The following RBFOX1 variants were observed in gnomAD, a reference collection of about 807,000 sequenced individuals.
RBFOX1 encodes the protein RNA binding protein fox-1 homolog 1.
A neutral mutation model predicts 57.7 loss-of-function variants in RBFOX1; 8 were observed. The ratio of observed to expected loss-of-function variants is 0.14; its 90% CI spans 0.08 to 0.25. The LOEUF (loss-of-function observed/expected upper bound fraction) is 0.25, where lower values mean the gene tolerates loss of function less well. Ranked by LOEUF, RBFOX1 falls within the 10% of genes least tolerant of loss-of-function variation. RBFOX1 has a pLI of 1.00. For synonymous variants in RBFOX1, 326 were observed against 222.4 expected, an observed-to-expected ratio of 1.47 and a Z score of -4.15; for missense variants, 611 against 548.5, an observed-to-expected ratio of 1.11 and a Z score of -1.14.
At chr16:7,029,549 C>T (rs796291708) in intron 3 of RBFOX1, among the ~76,000 whole-genome samples, 1 of 151,852 alleles carries the variant, frequency 6.6e-6, no homozygotes, top group Non-Finnish European at 1.5e-5. Context: ...AATATTTTAC[C>T]TGGACTAATA....
At chr16:6,429,743 G>A (rs531865891) in intron 2 of RBFOX1, among the ~76,000 whole-genome samples, 31 of 152,282 alleles carry the variant, frequency 2.0e-4, no homozygotes, top group Non-Finnish European at 4.0e-4. Context: ...AAGCTCTCTT[G>A]CCTGCTGCCA....
At chr16:6,048,445 T>G (rs2095517621) in intron 1 of RBFOX1, among the ~76,000 whole-genome samples, 1 of 152,212 alleles carries the variant, frequency 6.6e-6, no homozygotes, top group Non-Finnish European at 1.5e-5. Flanking sequence ...CCCTGAAACT[T>G]CATTATTTAA....
intron 4 of RBFOX1, among the ~76,000 whole-genome samples, chr16:7,213,551 T>C (rs986402722): frequency 7.9e-6 from 1 of 126,726 alleles, no homozygotes; most frequent in Non-Finnish European, 1.5e-5. Context: ...AGGGATCCTC[T>C]AATGCCAAAA....
Position 5,525,435 on chromosome 16 carries a change from C to G in RBFOX1, c.258+58181C>G, listed in dbSNP as rs185262055. Among the ~76,000 whole-genome samples, 13 of 149,694 alleles carry G rather than the reference C, an allele frequency of 8.7e-5. No individual in the cohort carries two copies. The East Asian group carries it at 2.6e-3, about 30-fold the overall frequency. On this transcript the variant is annotated intron_variant, in intron 2 of 2. Transcript: ENST00000585867. Reference sequence around the variant, plus strand: ...GGTGAGTGGTTTATCCAAGGTCACACAGGGTGGGCAGAGCTCAGACTCACA... The same window carrying G: ...GGTGAGTGGTTTATCCAAGGTCACAGAGGGTGGGCAGAGCTCAGACTCACA...
chr16:6,193,379 T>TTATATATA, intron 1 of RBFOX1, among the ~76,000 whole-genome samples: 1 of 63,126 alleles, frequency 1.6e-5, no homozygotes, highest in African/African-American at 5.1e-5. Context: ...TATATATACA[T>TTATATATA]TATATATATA....
intron 4 of RBFOX1, among the ~76,000 whole-genome samples, chr16:7,346,563 C>G (rs1304687837): frequency 1.3e-5 from 2 of 151,908 alleles, no homozygotes; most frequent in East Asian, 2.0e-4. Flanking sequence ...GAATGCTCCT[C>G]TGCCATCCTG....
chr16:6,868,035 C>A (rs148623592), intron 3 of RBFOX1, among the ~76,000 whole-genome samples: 7 of 152,038 alleles, frequency 4.6e-5, no homozygotes, highest in African/African-American at 1.7e-4. Flanking sequence ...AACTTATTTG[C>A]GAAATATAGG....
At chr16:6,919,173 G>C (rs1160340990) in intron 3 of RBFOX1, among the ~76,000 whole-genome samples, 1 of 151,938 alleles carries the variant, frequency 6.6e-6, no homozygotes, top group Admixed American at 6.6e-5. Flanking sequence ...TTTGGAGATG[G>C]GGTTTCACCA....
At chr16:6,815,404 C>G (rs2089848592) in intron 3 of RBFOX1, among the ~76,000 whole-genome samples, 1 of 152,192 alleles carries the variant, frequency 6.6e-6, no homozygotes, top group Non-Finnish European at 1.5e-5. Context: ...CTCAGCCTTA[C>G]TTTACCTAAC....
rs552224246 is a variant in RBFOX1, at chr16:5,527,949, G to A, written c.258+60695G>A. Among the ~76,000 whole-genome samples the A allele has an allele frequency of 9.2e-5, 14 of 152,284 alleles. No homozygotes were observed. The South Asian group carries it at 2.3e-3, about 25-fold the overall frequency. The stretch of plus-strand genomic sequence containing the variant: ...GTGACTTCTACCTTTATGAGAAATT[G>A]TATTAGTGTGAATTGCCTGTCAGGA... On this transcript the variant is annotated intron_variant, in intron 2 of 2. Transcript: ENST00000585867.
intron 4 of RBFOX1, among the ~76,000 whole-genome samples, chr16:7,475,329 T>C (rs1185687649): frequency 2.1e-5 from 3 of 145,058 alleles, no homozygotes; most frequent in Admixed American, 2.0e-4. Context: ...TTTTTTTTTC[T>C]TTCTAGATGG....
At chr16:6,830,291 G>A (rs1032810286) in intron 3 of RBFOX1, among the ~76,000 whole-genome samples, 2 of 152,154 alleles carry the variant, frequency 1.3e-5, no homozygotes, top group Admixed American at 6.5e-5. Flanking sequence ...ACACAACAGG[G>A]AAAGTCTAAA....
At chr16:5,569,470 T>TTTTTTTTTTTTTTC (rs2046201683) in intron 2 of RBFOX1, among the ~76,000 whole-genome samples, 1 of 128,496 alleles carries the variant, frequency 7.8e-6, no homozygotes, top group East Asian at 2.1e-4. Context: ...TTTTTTTTCT[T>TTTTTTTTTTTTTTC]CTTCTTTTTG....
intron 4 of RBFOX1, among the ~76,000 whole-genome samples, chr16:7,370,045 C>G (rs2097538757): frequency 6.6e-6 from 1 of 152,174 alleles, no homozygotes; most frequent in Non-Finnish European, 1.5e-5. Context: ...AACCTTGAGA[C>G]TATTGACATT....
chr16:5,357,701 G>C (rs893219115), intron 1 of RBFOX1, among the ~76,000 whole-genome samples: 5 of 152,170 alleles, frequency 3.3e-5, no homozygotes, highest in Admixed American at 6.5e-5. Flanking sequence ...AGGCCTGGCT[G>C]TGTCCCTGTC....
At chr16:5,928,789 C>T (rs113250245) in intron 4 of RBFOX1, among the ~76,000 whole-genome samples, 1 of 151,666 alleles carries the variant, frequency 6.6e-6, no homozygotes, top group South Asian at 2.1e-4. Context: ...CCACAGTTGT[C>T]TGACCAGTTC....
chr16:5,447,546 C>T (rs527349092), intron 1 of RBFOX1, among the ~76,000 whole-genome samples: 12 of 152,132 alleles, frequency 7.9e-5, no homozygotes, highest in South Asian at 2.1e-4. Flanking sequence ...TACAGGCACC[C>T]GCCACCACGC....
intron 4 of RBFOX1, among the ~76,000 whole-genome samples, chr16:7,465,394 C>G (rs1436420252): frequency 6.6e-6 from 1 of 152,166 alleles, no homozygotes; most frequent in Non-Finnish European, 1.5e-5. Flanking sequence ...GTTCTTGTGT[C>G]TCAGTGCCTC....
chr16:5,880,350 T>C (rs2057732301), intron 4 of RBFOX1, among the ~76,000 whole-genome samples: 1 of 152,096 alleles, frequency 6.6e-6, no homozygotes, highest in East Asian at 1.9e-4. Flanking sequence ...AGCATTGTAG[T>C]AGAAAGAGCT....
Sources: allele counts gnomAD v4.1 joint callset (sites outside exome capture counted in the v4.1 genomes callset), GRCh38; gene constraint gnomAD v4.1.1; transcripts MANE v1.5; gene names NCBI Gene and HGNC (gene_info 2026-07-23, HGNC 2026-07-21).